CEP135: variants seen among roughly 807,000 people sequenced by gnomAD.
CEP135 encodes centrosomal protein of 135 kDa.
CEP135 carries 142 observed loss-of-function variants against 157.3 expected under a neutral mutation model. That is an observed-to-expected ratio of 0.90 (90% CI 0.79 to 1.04). The LOEUF is 1.04. CEP135 is among the 50% of genes least tolerant of loss of function. CEP135 has a pLI of 0.00. For missense variants in CEP135, 1,317 were observed against 1,309.2 expected, an observed-to-expected ratio of 1.01 and a Z score of -0.09; for synonymous variants, 396 against 439.8, an observed-to-expected ratio of 0.90 and a Z score of 1.25.
intron 17 of CEP135, among the ~76,000 whole-genome samples, chr4:56,000,479 C>T (rs1020997571): frequency 6.6e-6 from 1 of 152,164 alleles, no homozygotes. Flanking sequence ...ATCAACCTCT[C>T]TTCACGCCTC....
Position 55,981,314 on chromosome 4 carries a change from G to T in CEP135, c.1714G>T (p.Glu572Ter). Residue 572 changes from glutamate (E) to a stop codon, truncating the protein, a stop_gained, in exon 13 of 26, where the codon GAA becomes TAA. Coordinates refer to ENST00000257287, the MANE Select transcript of CEP135 (RefSeq NM_025009.5). LOFTEE classifies it high-confidence loss of function. The part of the protein sequence containing the change: ...NIVSLMEKEK[E>*]LALSDLRRIM... ...TGTTAGTCTTATGGAAAAGGAAAAA[G>T]AACTTGCGTTATCTGACTTAAGAAG... The T allele has an allele frequency of 6.3e-7, 1 of 1,596,670 alleles. No homozygotes were observed. The highest frequency in any genetic ancestry group is 8.5e-7 in the Non-Finnish European group (1 of 1,174,770).
At chr4:55,985,223 G>A in intron 13 of CEP135, 58 bp from the exon 14 acceptor site, 1 of 857,770 alleles carries the variant, frequency 1.2e-6, no homozygotes. Context: ...TGCTTACTGT[G>A]GTGATTTTGT....
At chr4:56,003,381 T>C (rs1730244787) in intron 17 of CEP135, among the ~76,000 whole-genome samples, 1 of 152,120 alleles carries the variant, frequency 6.6e-6, no homozygotes, top group South Asian at 2.1e-4. Flanking sequence ...AATTTCTTTT[T>C]GTATTTTTAG....
At chr4:55,982,769 TA>T (rs762282340) in intron 13 of CEP135, among the ~76,000 whole-genome samples, 8 of 152,192 alleles carry the variant, frequency 5.3e-5, no homozygotes, top group Non-Finnish European at 1.2e-4. Flanking sequence ...TTAATTTGGA[TA>T]AAGTCCAATT....
intron 11 of CEP135, among the ~76,000 whole-genome samples, chr4:55,975,262 C>G (rs531814300): frequency 5.6e-4 from 86 of 152,332 alleles, no homozygotes; most frequent in African/African-American, 1.9e-3. Flanking sequence ...CATTCCCTCT[C>G]TTTTTAGAAT....
At chr4:55,956,320 C>T (rs1023170334) in intron 4 of CEP135, among the ~76,000 whole-genome samples, 4 of 152,222 alleles carry the variant, frequency 2.6e-5, no homozygotes, top group South Asian at 4.1e-4. Flanking sequence ...TTGGCAAAAT[C>T]CTTAAAGAGA....
chr4:56,031,629 G>A lies in CEP135; in HGVS notation c.*281G>A, dbSNP rs932873006. On this transcript the variant is annotated 3_prime_UTR_variant, in exon 26 of 26. Transcript: ENST00000257287. ...TTATTCATGAATTAAATTACTAAAAGTATGTTTATACTGTGAATTAATATA... is the reference window on the plus strand; with the variant it reads ...TTATTCATGAATTAAATTACTAAAAATATGTTTATACTGTGAATTAATATA... 6.6e-6 allele frequency: 1 copy of A among 152,158 alleles called. No homozygotes were observed. Among genetic ancestry groups the A allele is most frequent in the African/African-American group, 2.4e-5 (1 of 41,416 alleles). 9.4% of individuals were successfully genotyped at this position (152,158 alleles called of 1,614,324 possible).
chr4:55,975,301 T>C (rs1022881716), intron 11 of CEP135, among the ~76,000 whole-genome samples: 13 of 152,248 alleles, frequency 8.5e-5, no homozygotes, highest in Admixed American at 7.2e-4. Context: ...GCATTTTCTC[T>C]CTCATAGCAG....
rs754964499 is a variant in CEP135, at chr4:55,971,297, G to A, written c.1138G>A (p.Glu380Lys). 3.1e-6 allele frequency: 5 copies of A among 1,598,692 alleles called. No homozygotes were observed. The Admixed American group carries it at 8.8e-5, about 28-fold the overall frequency. ...LELNLCQKEKERLSDELLVKS... is the reference protein window; with the variant it reads ...LELNLCQKEKKRLSDELLVKS... ...ATTGAACTTATGCCAGAAAGAAAAG[G>A]AGAGACTGAGTGATGAACTCCTTGT... The change falls in exon 10 of 26, where the codon GAG (glutamate) becomes AAG (lysine). Residue 380 changes from glutamate (E) to lysine (K), a missense_variant. Physicochemically the swap from Glu to Lys is moderately conservative, Grantham distance 56. Coordinates refer to ENST00000257287, the MANE Select transcript of CEP135 (RefSeq NM_025009.5).
At chr4:55,975,052 T>C in intron 11 of CEP135, 83 bp downstream of exon 11, 1 of 995,712 alleles carries the variant, frequency 1.0e-6, no homozygotes, top group East Asian at 2.7e-5. Context: ...AATGTAACTT[T>C]ATTCGTACTT....
chr4:55,949,226 C>G (rs990541072), intron 1 of CEP135, among the ~76,000 whole-genome samples, 167 bp downstream of exon 1: 22 of 152,108 alleles, frequency 1.4e-4, no homozygotes, highest in Non-Finnish European at 4.4e-5. Flanking sequence ...CGCGGGGACT[C>G]TTCCCACCCA....
chr4:55,961,781 A>T (rs1313035730), intron 6 of CEP135, among the ~76,000 whole-genome samples: 1 of 145,242 alleles, frequency 6.9e-6, no homozygotes, highest in Non-Finnish European at 1.5e-5. Flanking sequence ...AAAAAAAAAA[A>T]AAAAAAAAAA....
rs1185685354 is a variant in CEP135, at chr4:56,032,798, T to A, written c.*1450T>A. 6.6e-6 allele frequency: 1 copy of A among 152,098 alleles called. No homozygotes were observed. Among genetic ancestry groups the A allele is most frequent in the East Asian group, 1.9e-4 (1 of 5,190 alleles). The allele number at this position is 152,098 out of a possible 1,614,324, so 9.4% of individuals were successfully genotyped here. A position where few individuals can be genotyped will look rare whatever the true frequency, so the allele number is the denominator to read the frequency against. On this transcript the variant is annotated 3_prime_UTR_variant, in exon 26 of 26. Coordinates refer to ENST00000257287, the MANE Select transcript of CEP135 (RefSeq NM_025009.5). Reference sequence around the variant, plus strand: ...AAAACTAACATAGGAAAGTGAATGATCAGTTACTTATGATATATTTTGTTT... The same window carrying A: ...AAAACTAACATAGGAAAGTGAATGAACAGTTACTTATGATATATTTTGTTT...
chr4:55,989,705 A>G (rs1406776864), intron 14 of CEP135, among the ~76,000 whole-genome samples: 5 of 152,242 alleles, frequency 3.3e-5, no homozygotes, highest in African/African-American at 1.2e-4. Flanking sequence ...GCTAATAAAC[A>G]TAAAAGATAT....
chr4:55,981,104 C>T (rs973720777), intron 12 of CEP135, 123 bp from the exon 13 acceptor site: 10 of 820,062 alleles, frequency 1.2e-5, no homozygotes, highest in Non-Finnish European at 1.4e-5. Context: ...TTGGGATTTG[C>T]GAAGAGAGTG....
In CEP135 at chr4:55,957,267, A is replaced by G. The variant is rs778112036; in HGVS notation, c.517A>G (p.Ile173Val). The G allele has an allele frequency of 1.5e-5, 25 of 1,614,064 alleles. No individual in the cohort carries two copies. The highest frequency in any genetic ancestry group is 1.6e-4 in the Middle Eastern group (1 of 6,084). Residue 173 changes from isoleucine to valine, a missense_variant, in exon 5 of 26, where the codon ATT (isoleucine) becomes GTT (valine). Coordinates refer to ENST00000257287, the MANE Select transcript of CEP135 (RefSeq NM_025009.5). ...SIAFRRQRMQIDEPVPPSEVS... is the reference protein window; with the variant it reads ...SIAFRRQRMQVDEPVPPSEVS... Reference sequence around the variant, plus strand: ...TGCTTTCAGGCGCCAGCGTATGCAAATTGATGAACCGGTTCCTCCCTCTGA... The same window carrying G: ...TGCTTTCAGGCGCCAGCGTATGCAAGTTGATGAACCGGTTCCTCCCTCTGA...
intron 5 of CEP135, among the ~76,000 whole-genome samples, chr4:55,957,709 G>A (rs920376969): frequency 2.6e-5 from 4 of 152,198 alleles, no homozygotes; most frequent in African/African-American, 9.7e-5. Context: ...TGTGTCAAAT[G>A]TCAGTTAAAT....
At chr4:55,961,101 CAAAAAAAAAA>C (rs59483327) in intron 6 of CEP135, among the ~76,000 whole-genome samples, 4,206 of 70,024 alleles carry the variant, frequency 0.06, 223 homozygotes, top group African/African-American at 0.19. Flanking sequence ...GACTCTGTCT[CAAAAAAAAAA>C]AAAAAAAAAG....
intron 2 of CEP135, 78 bp downstream of exon 2, chr4:55,952,321 G>A: frequency 2.4e-6 from 2 of 840,940 alleles, no homozygotes; most frequent in Non-Finnish European, 2.0e-6. Flanking sequence ...TCATGCTTTG[G>A]TAAAGAAAAG....
Sources: gnomAD v4.1 joint callset for allele counts (sites outside exome capture counted in the v4.1 genomes callset) on GRCh38, gnomAD v4.1.1 for gene constraint, MANE v1.5 for transcripts, NCBI Gene and HGNC (gene_info 2026-07-23, HGNC 2026-07-21) for gene names.